Variants in RRM2 observed in about 807,000 individuals in gnomAD.
The protein encoded by RRM2 is ribonucleotide reductase regulatory subunit M2.
In RRM2, 6 loss-of-function variants were observed where a neutral mutation model predicts 45.9. That is an observed-to-expected ratio of 0.13 (90% confidence interval 0.07 to 0.26). The LOEUF is 0.26. RRM2 is among the 10% of genes least tolerant of loss of function. The probability of loss-of-function intolerance (pLI) is 1.00; values close to 1 mark genes in which losing one functional copy is unlikely to be tolerated. For synonymous variants in RRM2, 177 were observed against 173.0 expected, an observed-to-expected ratio of 1.02 and a Z score of -0.18; for missense variants, 343 against 489.5, an observed-to-expected ratio of 0.70 and a Z score of 2.82.
At chr2:10,191,555 GA>G (rs1664307539) in intron 3 of RRM2, among the ~76,000 whole-genome samples, 2 of 152,140 alleles carry the variant, frequency 1.3e-5, no homozygotes, top group East Asian at 3.9e-4. Flanking sequence ...ACAGGCAGAG[GA>G]GGTACCGCTG....
chr2:10,151,455 C>T lies in RRM2; in HGVS notation n.482+9080C>T, dbSNP rs1412862750. Among the ~76,000 whole-genome samples, 3 of 151,842 alleles carry T rather than the reference C, an allele frequency of 2.0e-5. No homozygotes were observed. The East Asian group carries it at 5.8e-4, about 29-fold the overall frequency. On this transcript the variant is annotated intron_variant and non_coding_transcript_variant, in intron 3 of 3. Coordinates refer to the RRM2 transcript ENST00000381786. ...TGGGACTACAGGTGCCCACCAACAG[C>T]CCAGCTAATTTTTTTTGTATTTGTA... is the stretch of plus-strand genomic sequence containing the variant.
intron 3 of RRM2, among the ~76,000 whole-genome samples, chr2:10,183,028 A>G (rs1664093007): frequency 6.6e-6 from 1 of 152,034 alleles, no homozygotes. Context: ...AAATTACAAA[A>G]ATGAGCCAGG....
chr2:10,136,450 A>G (rs745942455), upstream of RRM2, among the ~76,000 whole-genome samples: 14 of 152,010 alleles, frequency 9.2e-5, no homozygotes, highest in Non-Finnish European at 2.1e-4. Context: ...GCACGCTGTC[A>G]TCTAGAGGCC....
intron 3 of RRM2, among the ~76,000 whole-genome samples, chr2:10,144,916 G>A (rs1211170835): frequency 6.6e-6 from 1 of 152,178 alleles, no homozygotes; most frequent in East Asian, 1.9e-4. Flanking sequence ...GGCTGGTGGG[G>A]GTGACCGTGT....
exon 4 of RRM2, chr2:10,210,327 C>T: frequency 7.3e-7 from 1 of 1,367,432 alleles, no homozygotes; most frequent in Non-Finnish European, 9.8e-7. Flanking sequence ...AGGATCTCAA[C>T]CAGTTCTCTC....
At chr2:10,137,299 G>A (rs1291336493), upstream of RRM2, among the ~76,000 whole-genome samples, 1 of 152,210 alleles carries the variant, frequency 6.6e-6, no homozygotes, top group African/African-American at 2.4e-5. Flanking sequence ...CCTCTTGATG[G>A]GAGAGCAGGC....
At position 10,172,856 on chromosome 2, in the gene RRM2, C is replaced by T. The variant is rs148304332; in HGVS notation, n.482+30481C>T. Among the ~76,000 whole-genome samples, 1,007 of 152,324 alleles carry T rather than the reference C, an allele frequency of 6.6e-3. 5 individuals carry two copies. Among genetic ancestry groups the T allele is most frequent in the Non-Finnish European group, 8.3e-3 (563 of 68,034 alleles). On this transcript the variant is annotated intron_variant and non_coding_transcript_variant, in intron 3 of 3. Transcript: ENST00000381786. The surrounding 1 kb of genome is among the most constrained non-coding windows in gnomAD (Gnocchi z 4.9). ...CTCAGGGCCCATCTGAGCAGGGGCC[C>T]GGTGTGACCACACGGATCCCATACC...
intron 5 of RRM2, 80 bp downstream of exon 5, chr2:10,124,930 A>G: frequency 3.0e-6 from 4 of 1,347,758 alleles, no homozygotes; most frequent in East Asian, 2.3e-5. Flanking sequence ...TCACCTAGGG[A>G]TAAAAATGAC....
At chr2:10,163,189 C>G (rs1400145286) in intron 3 of RRM2, among the ~76,000 whole-genome samples, 3 of 152,222 alleles carry the variant, frequency 2.0e-5, no homozygotes, top group African/African-American at 7.2e-5. Context: ...GAAGGCTATT[C>G]AGAGAGACTG....
chr2:10,149,536 G>A (rs2125314585), intron 3 of RRM2, among the ~76,000 whole-genome samples: 1 of 152,296 alleles, frequency 6.6e-6, no homozygotes, highest in East Asian at 1.9e-4. Flanking sequence ...CTTGCCACTT[G>A]TTTTTCCTGT....
chr2:10,199,819 G>T (rs537887587), intron 3 of RRM2, among the ~76,000 whole-genome samples: 1 of 88,566 alleles, frequency 1.1e-5, no homozygotes, highest in African/African-American at 4.1e-5. Flanking sequence ...ACAAATCATG[G>T]TATGACTAGT....
intron 3 of RRM2, chr2:10,145,425 G>A (rs184020352): frequency 1.3e-3 from 198 of 152,404 alleles, no homozygotes; most frequent in Non-Finnish European, 2.1e-3. Context: ...TCGTTCTGGC[G>A]TGTTCTGTTC....
chr2:10,161,447 G>A (rs575697346), intron 3 of RRM2, among the ~76,000 whole-genome samples: 8 of 152,112 alleles, frequency 5.3e-5, no homozygotes, highest in Non-Finnish European at 7.4e-5. Context: ...TCCACCACCC[G>A]CGTGCACGAG....
chr2:10,173,666 G>A (rs556582447), intron 3 of RRM2, among the ~76,000 whole-genome samples: 4 of 152,360 alleles, frequency 2.6e-5, no homozygotes, highest in South Asian at 2.1e-4. Flanking sequence ...ATGGGGCTCC[G>A]CGGGCACCCC....
chr2:10,150,777 T>TTG (rs544000397), intron 3 of RRM2, among the ~76,000 whole-genome samples: 3,845 of 147,802 alleles, frequency 0.026, 204 homozygotes, highest in African/African-American at 0.091. Context: ...TTGTGTTTTT[T>TTG]TTTTTTTTTT....
At chr2:10,179,885 A>G (rs1463856545) in intron 3 of RRM2, among the ~76,000 whole-genome samples, 1 of 152,182 alleles carries the variant, frequency 6.6e-6, no homozygotes, top group African/African-American at 2.4e-5. Context: ...CTTTATTATT[A>G]TGACATTCTG....
At chr2:10,154,523 A>T (rs993053467) in intron 3 of RRM2, among the ~76,000 whole-genome samples, 1 of 148,284 alleles carries the variant, frequency 6.7e-6, no homozygotes, top group Non-Finnish European at 1.5e-5. Context: ...AAAAATTATC[A>T]GGCAGTATGA....
intron 3 of RRM2, among the ~76,000 whole-genome samples, chr2:10,190,970 C>T (rs531263197): frequency 1.3e-5 from 2 of 152,280 alleles, no homozygotes; most frequent in Admixed American, 6.5e-5. Flanking sequence ...CCACTGTGGC[C>T]ACCCACCTGT....
intron 3 of RRM2, among the ~76,000 whole-genome samples, chr2:10,206,160 G>A (rs1572538724): frequency 6.6e-6 from 1 of 151,876 alleles, no homozygotes; most frequent in East Asian, 2.0e-4. Flanking sequence ...GCAGGAGAAT[G>A]GCGTGAATCT....
Sources: allele counts gnomAD v4.1 joint callset (sites outside exome capture counted in the v4.1 genomes callset), GRCh38; gene constraint gnomAD v4.1.1; non-coding constraint Gnocchi (gnomAD v3.1); transcripts MANE v1.5; gene names NCBI Gene and HGNC (gene_info 2026-07-23, HGNC 2026-07-21).